Variants in STXBP5L observed in about 807,000 individuals in gnomAD.
STXBP5L encodes the protein syntaxin-binding protein 5-like.
STXBP5L carries 65 observed loss-of-function variants against 144.5 expected under a neutral mutation model. The ratio of observed to expected loss-of-function variants is 0.45; its 90% CI spans 0.37 to 0.55. The LOEUF (loss-of-function observed/expected upper bound fraction) is 0.55. Among genes scored for constraint, STXBP5L ranks in the 20% least tolerant of loss-of-function variants. STXBP5L has a pLI of 0.00. For missense variants in STXBP5L, 1,298 were observed against 1,405.5 expected (o/e 0.92, Z 1.22); for synonymous variants, 505 against 469.6 (o/e 1.08, Z -0.97).
At chr3:120,961,266 C>CT (rs1197589260) in intron 3 of STXBP5L, among the ~76,000 whole-genome samples, 10 of 137,984 alleles carry the variant, frequency 7.2e-5, no homozygotes, top group Middle Eastern at 4.1e-3. Flanking sequence ...TTTAGTCTTT[C>CT]TTTTTTTGTT....
At chr3:120,910,980 A>C (rs1708804746) in intron 2 of STXBP5L, among the ~76,000 whole-genome samples, 1 of 152,146 alleles carries the variant, frequency 6.6e-6, no homozygotes, top group Non-Finnish European at 1.5e-5. Context: ...GTTATGAGAC[A>C]AATGTAAAAG....
intron 10 of STXBP5L, among the ~76,000 whole-genome samples, chr3:121,215,535 CT>C (rs1387874835): frequency 6.6e-6 from 1 of 152,114 alleles, no homozygotes; most frequent in African/African-American, 2.4e-5. Context: ...TTGGCCCCAA[CT>C]TTTTTATGGC....
At position 121,214,303 on chromosome 3, in the gene STXBP5L, G is replaced by T. The variant is rs953157121; in HGVS notation, c.956+8302G>T. Reference sequence around the variant, plus strand: ...TAGTTCTTTTAACTGTGATGTTAGGGTGTCAATTTTAGATCTTTCTTGCTT... The same window carrying T: ...TAGTTCTTTTAACTGTGATGTTAGGTTGTCAATTTTAGATCTTTCTTGCTT... On this transcript the variant is annotated intron_variant, in intron 10 of 26. Coordinates refer to ENST00000471454, the MANE Select transcript of STXBP5L (RefSeq NM_001308330.2). Among the ~76,000 whole-genome samples the T allele has an allele frequency of 3.3e-5, 5 of 152,044 alleles. No homozygotes were observed. In the East Asian group the frequency reaches 7.7e-4, roughly 23 times the overall value.
chr3:121,344,996 A>C (rs1432417671), intron 20 of STXBP5L, among the ~76,000 whole-genome samples: 1 of 151,234 alleles, frequency 6.6e-6, no homozygotes, highest in Non-Finnish European at 1.5e-5. Context: ...TATATAAAAA[A>C]AGTAAGTACA....
At position 121,041,732 on chromosome 3, in the gene STXBP5L, A is replaced by C; in HGVS notation, c.320A>C (p.Gln107Pro). Reference protein sequence around the residue: ...LGRPGVDCYCQHESGAAVLQL... With the variant: ...LGRPGVDCYCPHESGAAVLQL... Reference sequence around the variant, plus strand: ...AGACCTGGTGTTGATTGCTATTGCCAACATGAAAGTGGTGCAGCTGTCCTA... The same window carrying C: ...AGACCTGGTGTTGATTGCTATTGCCCACATGAAAGTGGTGCAGCTGTCCTA... The change falls in exon 4 of 27, where the codon CAA (glutamine) becomes CCA (proline). Residue 107 changes from glutamine to proline, a missense_variant. Coordinates refer to ENST00000471454, the MANE Select transcript of STXBP5L (RefSeq NM_001308330.2). The C allele has an allele frequency of 1.2e-6, 2 of 1,612,880 alleles. No individual in the cohort carries two copies. The highest frequency in any genetic ancestry group is 1.7e-6 in the Non-Finnish European group (2 of 1,179,216).
chr3:121,110,528 T>C (rs1235882106), intron 5 of STXBP5L, among the ~76,000 whole-genome samples: 3 of 152,190 alleles, frequency 2.0e-5, no homozygotes, highest in African/African-American at 4.8e-5. Flanking sequence ...TGAGTATTCT[T>C]TGCTTTAAAA....
Position 121,420,915 on chromosome 3 carries a change from A to C in STXBP5L, c.*1818A>C, listed in dbSNP as rs2108761591. On this transcript the variant is annotated 3_prime_UTR_variant, in exon 27 of 27. Coordinates refer to ENST00000471454, the MANE Select transcript of STXBP5L (RefSeq NM_001308330.2). ...TGAGTGAAAGAGTTAGATAATGTAC[A>C]CTAGGATAGCATTTCTCAGAGTCCT... is the stretch of plus-strand genomic sequence containing the variant. The C allele has an allele frequency of 6.6e-6, 1 of 152,270 alleles. No homozygotes were observed. Among genetic ancestry groups the C allele is most frequent in the East Asian group, 1.9e-4 (1 of 5,190 alleles). 9.4% of individuals were successfully genotyped at this position (152,270 alleles called of 1,614,324 possible). A position where few individuals can be genotyped will look rare whatever the true frequency, so the allele number is the denominator to read the frequency against.
At chr3:121,009,521 C>T (rs1576650617) in intron 3 of STXBP5L, among the ~76,000 whole-genome samples, 1 of 152,026 alleles carries the variant, frequency 6.6e-6, no homozygotes, top group African/African-American at 2.4e-5. Flanking sequence ...AATGTGGTAG[C>T]AGTTCATTTA....
chr3:120,985,281 A>G (rs1942185718), intron 3 of STXBP5L, among the ~76,000 whole-genome samples: 1 of 152,046 alleles, frequency 6.6e-6, no homozygotes, highest in Admixed American at 6.6e-5. Context: ...CTGCGAAGCC[A>G]TGGGGGCTTT....
At chr3:121,115,169 A>T (rs1382087474) in intron 6 of STXBP5L, 110 bp downstream of exon 6, 1 of 1,109,390 alleles carries the variant, frequency 9.0e-7, no homozygotes, top group African/African-American at 1.7e-5. Flanking sequence ...TTTATAATGA[A>T]TTTGAGTGAA....
At chr3:121,126,823 A>G (rs2044723672) in intron 7 of STXBP5L, among the ~76,000 whole-genome samples, 2 of 152,188 alleles carry the variant, frequency 1.3e-5, no homozygotes, top group East Asian at 1.9e-4. Flanking sequence ...TAGTAATTCT[A>G]GAAGATAATC....
chr3:121,264,197 T>C (rs2050477871), intron 18 of STXBP5L, among the ~76,000 whole-genome samples: 2 of 152,208 alleles, frequency 1.3e-5, no homozygotes, highest in South Asian at 4.1e-4. Flanking sequence ...CAGAATTTCA[T>C]ATCTAGCCAA....
chr3:121,013,041 G>A (rs1377362457), intron 3 of STXBP5L, among the ~76,000 whole-genome samples: 1 of 151,568 alleles, frequency 6.6e-6, no homozygotes, highest in Non-Finnish European at 1.5e-5. Context: ...TTTTTTTTAT[G>A]GCTTCATAGT....
chr3:121,030,621 A>G (rs1288914661), intron 3 of STXBP5L, among the ~76,000 whole-genome samples: 4 of 152,124 alleles, frequency 2.6e-5, no homozygotes, highest in South Asian at 4.1e-4. Context: ...TGGCACGTGT[A>G]TACCTATGTA....
At chr3:121,083,341 T>C (rs2042338752) in intron 5 of STXBP5L, among the ~76,000 whole-genome samples, 1 of 152,234 alleles carries the variant, frequency 6.6e-6, no homozygotes, top group Non-Finnish European at 1.5e-5. Flanking sequence ...GTTTTCCCTC[T>C]TGTATTTTCT....
chr3:120,951,464 A>C (rs918197447), intron 2 of STXBP5L, among the ~76,000 whole-genome samples: 1 of 151,296 alleles, frequency 6.6e-6, no homozygotes, highest in African/African-American at 2.4e-5. Flanking sequence ...ACAAGAAAAA[A>C]ACAAACAACC....
intron 19 of STXBP5L, among the ~76,000 whole-genome samples, chr3:121,298,310 T>C (rs1036977550): frequency 6.6e-6 from 1 of 152,204 alleles, no homozygotes; most frequent in African/African-American, 2.4e-5. Context: ...TCTTACACAA[T>C]ACGTGACAAT....
chr3:120,961,322 C>T (rs951113728), intron 3 of STXBP5L, among the ~76,000 whole-genome samples: 8 of 150,422 alleles, frequency 5.3e-5, no homozygotes, highest in Admixed American at 1.3e-4. Flanking sequence ...ACGTGCACAA[C>T]GTGCAGGTTT....
intron 3 of STXBP5L, among the ~76,000 whole-genome samples, chr3:120,979,482 C>T (rs1015640707): frequency 1.3e-5 from 2 of 152,178 alleles, no homozygotes; most frequent in African/African-American, 4.8e-5. Context: ...AGGGAACTCC[C>T]TGACCCCTTG....
Sources: allele counts gnomAD v4.1 joint callset (sites outside exome capture counted in the v4.1 genomes callset), GRCh38; gene constraint gnomAD v4.1.1; transcripts MANE v1.5; gene names NCBI Gene and HGNC (gene_info 2026-07-23, HGNC 2026-07-21).